CCDC50: variants seen among roughly 807,000 people sequenced by gnomAD.
CCDC50 encodes coiled-coil domain containing 50, also known as coiled-coil domain-containing protein 50.
Under a neutral mutation model 70.2 loss-of-function variants are expected in CCDC50, and 54 were observed. That is an observed-to-expected ratio of 0.77 (90% CI 0.62 to 0.96). CCDC50 has a LOEUF of 0.96. CCDC50 is among the 50% of genes least tolerant of loss of function. The probability of loss-of-function intolerance (pLI) is 0.00; values close to 1 mark genes in which losing one functional copy is unlikely to be tolerated. For missense variants in CCDC50, 558 were observed against 578.7 expected (o/e 0.96, Z 0.37); for synonymous variants, 216 against 198.8 (o/e 1.09, Z -0.73).
At position 191,357,155 on chromosome 3, in the gene CCDC50, G is replaced by A. The variant is rs1237845485; in HGVS notation, c.112+5G>A. The A allele has an allele frequency of 6.2e-7, 1 of 1,610,380 alleles. No individual in the cohort carries two copies. The highest frequency in any genetic ancestry group is 1.7e-5 in the Admixed American group (1 of 59,966). ...ACAGCCTGCAGGAACAAGAGAGTGA[G>A]TAATACCTCTCATTTATGCTCCTTC... On this transcript the variant is annotated splice_donor_5th_base_variant and intron_variant, in intron 2 of 11. Transcript: ENST00000392455.
intron 1 of CCDC50, among the ~76,000 whole-genome samples, chr3:191,332,126 C>T (rs151156122): frequency 1.3e-5 from 2 of 152,256 alleles, no homozygotes; most frequent in Admixed American, 1.3e-4. Flanking sequence ...GGGGATGGGG[C>T]ACCCTGTGAC....
intron 7 of CCDC50, 128 bp from the exon 8 acceptor site, chr3:191,380,559 C>T: frequency 1.1e-6 from 1 of 916,894 alleles, no homozygotes; most frequent in Non-Finnish European, 1.7e-6. Context: ...AGCATACCAA[C>T]TGATTATCAA....
intron 4 of CCDC50, among the ~76,000 whole-genome samples, chr3:191,362,665 T>TA (rs1560163419): frequency 1.3e-5 from 2 of 152,226 alleles, no homozygotes; most frequent in African/African-American, 2.4e-5. Context: ...AACTGGCACT[T>TA]ATGATCATCA....
At chr3:191,329,932 A>T (rs1249189503) in intron 1 of CCDC50, among the ~76,000 whole-genome samples, 1 of 12,176 alleles carries the variant, frequency 8.2e-5, no homozygotes, top group Non-Finnish European at 1.7e-4. Context: ...TTTTTTCTCA[A>T]GGGGGTGGTT....
Position 191,386,699 on chromosome 3 carries a change from G to C in CCDC50, c.1323-2797G>C, listed in dbSNP as rs578158970. ...TATATTCCAGTAAGCTTCAAGCTGAGAATCAAATCAAGAACTCAATCCCAT... is the reference window on the plus strand; with the variant it reads ...TATATTCCAGTAAGCTTCAAGCTGACAATCAAATCAAGAACTCAATCCCAT... On this transcript the variant is annotated intron_variant, in intron 10 of 11. Coordinates refer to ENST00000392455, the MANE Select transcript of CCDC50 (RefSeq NM_178335.3). Among the ~76,000 whole-genome samples, 16 of 152,254 alleles carry C rather than the reference G, an allele frequency of 1.1e-4. 1 individual carries two copies. The South Asian group carries it at 3.1e-3, about 30-fold the overall frequency.
intron 5 of CCDC50, among the ~76,000 whole-genome samples, chr3:191,370,470 TTTTG>T (rs1456244706): frequency 2.8e-5 from 4 of 143,646 alleles, no homozygotes; most frequent in Non-Finnish European, 6.1e-5. Context: ...CGGTGGTTTT[TTTTG>T]TTTGTTTTTT....
chr3:191,354,941 A>G (rs1330577637), intron 1 of CCDC50, among the ~76,000 whole-genome samples: 2 of 152,214 alleles, frequency 1.3e-5, no homozygotes, highest in African/African-American at 4.8e-5. Flanking sequence ...AATGATAAGA[A>G]AAAATGTCTG....
At chr3:191,389,696 G>C in intron 11 of CCDC50, 94 bp downstream of exon 11, 1 of 946,608 alleles carries the variant, frequency 1.1e-6, no homozygotes, top group Non-Finnish European at 1.7e-6. Flanking sequence ...TTCCACTAGA[G>C]TGGAAAAATA....
At chr3:191,358,240 A>T in intron 3 of CCDC50, 116 bp downstream of exon 3, 2 of 1,317,752 alleles carry the variant, frequency 1.5e-6, no homozygotes, top group Non-Finnish European at 2.1e-6. Context: ...CTACTGTTAG[A>T]TTACAAATCT....
chr3:191,333,110 G>C (rs945791130), intron 1 of CCDC50, among the ~76,000 whole-genome samples: 1 of 152,146 alleles, frequency 6.6e-6, no homozygotes, highest in Non-Finnish European at 1.5e-5. Context: ...TGAATTCTGT[G>C]TGTGTTGGTG....
chr3:191,342,683 A>AT (rs1165227315), intron 1 of CCDC50, among the ~76,000 whole-genome samples: 1 of 152,180 alleles, frequency 6.6e-6, no homozygotes, highest in Non-Finnish European at 1.5e-5. Context: ...CTGCCAAACC[A>AT]TTTGAGGGCT....
intron 10 of CCDC50, among the ~76,000 whole-genome samples, chr3:191,385,780 T>C (rs1295563774): frequency 1.3e-5 from 2 of 152,136 alleles, no homozygotes; most frequent in Non-Finnish European, 2.9e-5. Flanking sequence ...TTTTATAGTT[T>C]AAGGTCTTGA....
chr3:191,349,186 T>C (rs1351706651), intron 1 of CCDC50, among the ~76,000 whole-genome samples: 1 of 141,688 alleles, frequency 7.1e-6, no homozygotes, highest in Non-Finnish European at 1.6e-5. Flanking sequence ...GTTGAGAATG[T>C]AGAGGATTTT....
Position 191,393,500 on chromosome 3 carries a change from A to G in CCDC50, c.*1740A>G, listed in dbSNP as rs551922758. ...AGAGTGGATTTGGGTCTCTCATTTG[A>G]GAAAGATTTGTAGTTTCAATGAAGT... On this transcript the variant is annotated 3_prime_UTR_variant, in exon 12 of 12. Transcript: ENST00000392455. The G allele has an allele frequency of 6.6e-6, 1 of 152,282 alleles. No individual in the cohort carries two copies. Among genetic ancestry groups the G allele is most frequent in the African/African-American group, 2.4e-5 (1 of 41,556 alleles). 9.4% of individuals were successfully genotyped at this position (152,282 alleles called of 1,614,324 possible).
At chr3:191,360,321 A>T (rs923936996) in intron 3 of CCDC50, among the ~76,000 whole-genome samples, 4 of 152,212 alleles carry the variant, frequency 2.6e-5, no homozygotes, top group African/African-American at 9.6e-5. Context: ...GTACCAGGAG[A>T]TACATCTTCT....
intron 10 of CCDC50, among the ~76,000 whole-genome samples, chr3:191,385,027 A>G (rs1007346486): frequency 7.2e-5 from 11 of 152,180 alleles, no homozygotes; most frequent in Non-Finnish European, 1.3e-4. Flanking sequence ...GTAGTAGTCT[A>G]TAGTGTATAT....
rs1234655322 is a variant in CCDC50, at chr3:191,375,189, A to G, written c.576A>G (p.Glu192=). 6.2e-7 allele frequency: 1 copy of G among 1,613,736 alleles called. No individual in the cohort carries two copies. The highest frequency in any genetic ancestry group is 8.5e-7 in the Non-Finnish European group (1 of 1,179,830). ...EKPEHPLENL[E]EPEQHCSSKR... ...CAGAACATCCACTGGAGAACTTGGAAGAGCCAGAACAACATTGTTCATCGA... is the reference window on the plus strand; with the variant it reads ...CAGAACATCCACTGGAGAACTTGGAGGAGCCAGAACAACATTGTTCATCGA... Residue 192 remains glutamate (E), a synonymous_variant, in exon 6 of 12, where the codon GAA becomes GAG. Coordinates refer to ENST00000392455, the MANE Select transcript of CCDC50 (RefSeq NM_178335.3).
chr3:191,347,179 T>G (rs1461793367), intron 1 of CCDC50, among the ~76,000 whole-genome samples: 1 of 142,612 alleles, frequency 7.0e-6, no homozygotes, highest in Non-Finnish European at 1.6e-5. Context: ...CCGGAAAATG[T>G]CTTTCTGTTA....
In CCDC50 at chr3:191,380,703, TGA is replaced by T; in HGVS notation, c.1113_1114del (p.Arg371SerfsTer8). ...ATATCATAGGCTACCCAGGTGGACA[TGA>T]GAGCCGCTCAAGTAGCTCAAGATGA... On this transcript the variant is annotated frameshift_variant, in exon 8 of 12. Coordinates refer to ENST00000392455, the MANE Select transcript of CCDC50 (RefSeq NM_178335.3). LOFTEE classifies it high-confidence loss of function. 6.2e-7 allele frequency: 1 copy of T among 1,612,672 alleles called. No individual in the cohort carries two copies. Among genetic ancestry groups the T allele is most frequent in the Non-Finnish European group, 8.5e-7 (1 of 1,179,148 alleles).
Sources: allele counts gnomAD v4.1 joint callset (sites outside exome capture counted in the v4.1 genomes callset), GRCh38; gene constraint gnomAD v4.1.1; transcripts MANE v1.5; gene names NCBI Gene and HGNC (gene_info 2026-07-23, HGNC 2026-07-21).